SMARCA5: variants seen among roughly 807,000 people sequenced by gnomAD.
SMARCA5 encodes the protein SWI/SNF-related matrix-associated actin-dependent regulator of chromatin subfamily A member 5.
SMARCA5 carries 18 observed loss-of-function variants against 140.4 expected under a neutral mutation model. That is an observed-to-expected ratio of 0.13 (90% confidence interval 0.09 to 0.19). The LOEUF is 0.19. Among genes scored for constraint, SMARCA5 ranks in the 10% least tolerant of loss-of-function variants. The pLI is 1.00. For synonymous variants in SMARCA5, 449 were observed against 419.6 expected, an observed-to-expected ratio of 1.07 and a Z score of -0.86; for missense variants, 606 against 1,276.8, an observed-to-expected ratio of 0.47 and a Z score of 8.01.
chr4:143,531,369 A>G (rs1737179391), intron 9 of SMARCA5, among the ~76,000 whole-genome samples: 1 of 152,232 alleles, frequency 6.6e-6, no homozygotes, highest in Non-Finnish European at 1.5e-5. Flanking sequence ...CTTCTCTAAC[A>G]GACACCAGAT....
intron 13 of SMARCA5, among the ~76,000 whole-genome samples, chr4:143,539,379 G>A (rs1379146634): frequency 1.3e-5 from 2 of 152,144 alleles, no homozygotes; most frequent in Non-Finnish European, 2.9e-5. Context: ...CAACTAGCCT[G>A]TCTTCCACTT....
chr4:143,515,647 T>TG (rs1736813643), intron 1 of SMARCA5, among the ~76,000 whole-genome samples: 2 of 152,206 alleles, frequency 1.3e-5, no homozygotes, highest in Non-Finnish European at 2.9e-5. Flanking sequence ...ATTTTTGACT[T>TG]GAAGTTGCTA....
At chr4:143,525,628 G>GT in intron 5 of SMARCA5, 77 bp downstream of exon 5, 2 of 971,538 alleles carry the variant, frequency 2.1e-6, no homozygotes, top group Non-Finnish European at 3.3e-6. Context: ...GTTTCTTACA[G>GT]TCTACAACTG....
intron 1 of SMARCA5, chr4:143,514,590 C>G (rs745559167): frequency 6.4e-6 from 1 of 155,260 alleles, no homozygotes; most frequent in African/African-American, 2.4e-5. Context: ...CTTCCCGGTC[C>G]TTGCAGGGGC....
Position 143,553,118 on chromosome 4 carries a change from G to C in SMARCA5, c.3094-1G>C, listed in dbSNP as rs201260812. 16 of 1,609,610 alleles carry C rather than the reference G, an allele frequency of 9.9e-6. No individual in the cohort carries two copies. The highest frequency in any genetic ancestry group is 1.3e-5 in the Non-Finnish European group (15 of 1,176,184). ...AAAGTAATCCTTCTGTCTGTTTGTA[G>C]ACACAGAAACGTAAAATGGATGGCG... On this transcript the variant is annotated splice_acceptor_variant, in intron 23 of 23. Coordinates refer to ENST00000283131, the MANE Select transcript of SMARCA5 (RefSeq NM_003601.4). LOFTEE classifies it high-confidence loss of function.
chr4:143,537,034 A>T (rs576091606), intron 11 of SMARCA5, among the ~76,000 whole-genome samples: 2 of 152,248 alleles, frequency 1.3e-5, no homozygotes, highest in South Asian at 2.1e-4. Flanking sequence ...TGTTCATGAT[A>T]TTGTTTTTTA....
chr4:143,532,233 A>G (rs1372879724), intron 9 of SMARCA5, among the ~76,000 whole-genome samples: 1 of 152,178 alleles, frequency 6.6e-6, no homozygotes, highest in African/African-American at 2.4e-5. Context: ...GATGGCATTC[A>G]TGCATCTAAG....
intron 2 of SMARCA5, among the ~76,000 whole-genome samples, chr4:143,519,078 C>T (rs1436050000): frequency 6.6e-6 from 1 of 152,108 alleles, no homozygotes; most frequent in African/African-American, 2.4e-5. Context: ...TTGATTCTTA[C>T]TGGTTTTTAC....
rs1260984570 is a variant in SMARCA5, at chr4:143,533,610, C to T, written c.1159-1245C>T. Among the ~76,000 whole-genome samples the T allele has an allele frequency of 2.0e-5, 3 of 151,096 alleles. No individual in the cohort carries two copies. In the South Asian group the frequency reaches 6.3e-4, roughly 32 times the overall value. On this transcript the variant is annotated intron_variant, in intron 9 of 23. Coordinates refer to ENST00000283131, the MANE Select transcript of SMARCA5 (RefSeq NM_003601.4). ...GCAAGCTCCGCCTCCCGGGTTCACA[C>T]CATTCTCCTGTCTCAGCCTCCCAAG...
At chr4:143,538,318 A>G (rs905153797) in intron 11 of SMARCA5, among the ~76,000 whole-genome samples, 12 of 152,188 alleles carry the variant, frequency 7.9e-5, no homozygotes, top group Admixed American at 2.6e-4. Flanking sequence ...GGGTAACAAG[A>G]TAATGATTAT....
chr4:143,543,728 T>A, intron 15 of SMARCA5, 71 bp downstream of exon 15: 7 of 1,499,274 alleles, frequency 4.7e-6, no homozygotes, highest in Non-Finnish European at 6.4e-6. Context: ...ATTTGTTACA[T>A]TGATGATAAA....
chr4:143,530,843 C>G (rs898692342), intron 9 of SMARCA5, among the ~76,000 whole-genome samples: 8 of 152,126 alleles, frequency 5.3e-5, no homozygotes, highest in African/African-American at 1.9e-4. Context: ...TTGAGACAGT[C>G]TCACTTTGTC....
intron 3 of SMARCA5, 98 bp downstream of exon 3, chr4:143,521,693 T>TATCA: frequency 9.3e-7 from 1 of 1,075,238 alleles, no homozygotes; most frequent in Non-Finnish European, 1.3e-6. Flanking sequence ...TAAAATTATT[T>TATCA]TAGTGCCATT....
chr4:143,528,574 T>C lies in SMARCA5; in HGVS notation c.958-9T>C. The C allele has an allele frequency of 1.9e-6, 3 of 1,609,022 alleles. No individual in the cohort carries two copies. Among genetic ancestry groups the C allele is most frequent in the Non-Finnish European group, 2.5e-6 (3 of 1,177,784 alleles). On this transcript the variant is annotated splice_polypyrimidine_tract_variant and intron_variant, in intron 7 of 23. Coordinates refer to ENST00000283131, the MANE Select transcript of SMARCA5 (RefSeq NM_003601.4). ...TATTCTAATGGTGTATTTGGTTCTT[T>C]TCTTTCAGTTGTCAGAAATAGTGAG...
chr4:143,520,285 A>G (rs1039121346), intron 2 of SMARCA5, among the ~76,000 whole-genome samples: 1 of 152,222 alleles, frequency 6.6e-6, no homozygotes, highest in Non-Finnish European at 1.5e-5. Flanking sequence ...GCATTCACAT[A>G]TGTATCTTGT....
Position 143,545,400 on chromosome 4 carries a change from T to A in SMARCA5, c.2284-70T>A, listed in dbSNP as rs185461545. On this transcript the variant is annotated intron_variant, in intron 17 of 23. Coordinates refer to ENST00000283131, the MANE Select transcript of SMARCA5 (RefSeq NM_003601.4). Reference sequence around the variant, plus strand: ...GAATTGGCTGTTGTGGTTTATGAAGTGAGGACTAAGGATACATTTAAAATG... The same window carrying A: ...GAATTGGCTGTTGTGGTTTATGAAGAGAGGACTAAGGATACATTTAAAATG... 165 of 925,878 alleles carry A rather than the reference T, an allele frequency of 1.8e-4. 1 individual carries two copies. In the African/African-American group the frequency reaches 2.3e-3, roughly 13 times the overall value. The allele number at this position is 925,878 out of a possible 1,614,324, so 57.4% of individuals were successfully genotyped here.
At chr4:143,548,185 T>TA (rs750505699) in intron 22 of SMARCA5, 45 bp downstream of exon 22, 17 of 1,139,706 alleles carry the variant, frequency 1.5e-5, no homozygotes, top group Non-Finnish European at 2.2e-5. Context: ...GAGTTCAGAG[T>TA]AAGTGTCATC....
At chr4:143,533,470 G>A (rs1737239718) in intron 9 of SMARCA5, among the ~76,000 whole-genome samples, 1 of 150,808 alleles carries the variant, frequency 6.6e-6, no homozygotes, top group Non-Finnish European at 1.5e-5. Flanking sequence ...CTAACCATAA[G>A]GAGATCTTAA....
chr4:143,547,777 G>C, intron 21 of SMARCA5, 151 bp from the exon 22 acceptor site: 1 of 545,318 alleles, frequency 1.8e-6, no homozygotes, highest in Non-Finnish European at 3.2e-6. Context: ...AAGGTCTTTC[G>C]GGACAAAGAT....
Sources: gnomAD v4.1 joint callset for allele counts (sites outside exome capture counted in the v4.1 genomes callset) on GRCh38, gnomAD v4.1.1 for gene constraint, MANE v1.5 for transcripts, NCBI Gene and HGNC (gene_info 2026-07-23, HGNC 2026-07-21) for gene names.